CGNL1: variants seen among roughly 807,000 people sequenced by gnomAD.
The protein encoded by CGNL1 is cingulin-like protein 1.
In CGNL1, 132 loss-of-function variants were observed where a neutral mutation model predicts 141.2. That is an observed-to-expected ratio of 0.93 (90% confidence interval 0.81 to 1.08). The LOEUF is 1.08. Among genes scored for constraint, CGNL1 ranks in the 50% least tolerant of loss-of-function variants. The pLI is 0.00. For missense variants in CGNL1, 1,870 were observed against 1,588.6 expected, an observed-to-expected ratio of 1.18 and a Z score of -3.01; for synonymous variants, 690 against 622.1, an observed-to-expected ratio of 1.11 and a Z score of -1.63.
intron 3 of CGNL1, among the ~76,000 whole-genome samples, chr15:57,441,978 T>C (rs1269631685): frequency 6.6e-6 from 1 of 152,002 alleles, no homozygotes; most frequent in Non-Finnish European, 1.5e-5. Context: ...CATGTTTGTG[T>C]GTGTGAGAGA....
Position 57,442,188 on chromosome 15 carries a change from A to AAAAAAAAAAAAAAAC in CGNL1, c.1698-171_1698-170insCAAAAAAAAAAAAAA, listed in dbSNP as rs2063197433. Among the ~76,000 whole-genome samples, 2 of 147,340 alleles carry AAAAAAAAAAAAAAAC rather than the reference A, an allele frequency of 1.4e-5. 1 individual carries two copies. The highest frequency in any genetic ancestry group is 3.0e-5 in the Non-Finnish European group (2 of 66,032). Reference sequence around the variant, plus strand: ...GGTAACACATCATTTATTTGAAAAAAAAAAAAAAAAAAAAAGACACCATCC... The same window carrying AAAAAAAAAAAAAAAC: ...GGTAACACATCATTTATTTGAAAAAAAAAAAAAAAAAAAACAAAAAAAAAAAAAAAGACACCATCC... On this transcript the variant is annotated intron_variant, in intron 3 of 18. Coordinates refer to ENST00000281282, the MANE Select transcript of CGNL1 (RefSeq NM_032866.5).
At chr15:57,395,551 T>A (rs532063121) in intron 1 of CGNL1, among the ~76,000 whole-genome samples, 123 of 152,350 alleles carry the variant, frequency 8.1e-4, no homozygotes, top group African/African-American at 2.9e-3. Flanking sequence ...GAACAGGAAC[T>A]GGGCATGGTG....
intron 1 of CGNL1, chr15:57,377,256 C>G (rs2062374204): frequency 6.6e-6 from 1 of 152,228 alleles, no homozygotes; most frequent in Non-Finnish European, 1.5e-5. Flanking sequence ...GGCCGCTGCC[C>G]TCCCGACTCT....
intron 1 of CGNL1, among the ~76,000 whole-genome samples, chr15:57,420,228 G>A (rs11857181): frequency 0.28 from 43,251 of 152,014 alleles, 6,617 homozygotes; most frequent in Non-Finnish European, 0.34. Context: ...GAACTTGTTG[G>A]TATTAGAGAC....
chr15:57,463,016 G>A (rs1445400695), intron 8 of CGNL1, among the ~76,000 whole-genome samples: 1 of 152,072 alleles, frequency 6.6e-6, no homozygotes, highest in Non-Finnish European at 1.5e-5. Flanking sequence ...ATCTTTATGT[G>A]CTATTGCTTC....
intron 3 of CGNL1, among the ~76,000 whole-genome samples, chr15:57,441,084 A>T (rs907481221): frequency 7.6e-4 from 115 of 152,294 alleles, no homozygotes; most frequent in African/African-American, 2.7e-3. Context: ...AAAAAAAAAA[A>T]AAAAAGCTTT....
rs142121170 is a variant in CGNL1, at chr15:57,474,573, A to G, written c.2403+12681A>G. 2.7e-3 allele frequency among the ~76,000 whole-genome samples: 407 copies of G among 152,342 alleles called. 1 individual carries two copies. Among genetic ancestry groups the G allele is most frequent in the African/African-American group, 9.4e-3 (391 of 41,588 alleles). On this transcript the variant is annotated intron_variant, in intron 8 of 18. Transcript: ENST00000281282. The stretch of plus-strand genomic sequence containing the variant: ...GTAGAGGTAAATAAAGGACACCCGC[A>G]TAGTTTAAGGACAGGTCAGGGTTTT...
chr15:57,425,767 T>C (rs1351172576), intron 1 of CGNL1, among the ~76,000 whole-genome samples: 2 of 150,852 alleles, frequency 1.3e-5, no homozygotes, highest in African/African-American at 4.9e-5. Context: ...AAATCCGCAT[T>C]CATATGAATA....
chr15:57,546,058 C>T lies in CGNL1; in HGVS notation c.3610-18C>T. The T allele has an allele frequency of 1.2e-6, 2 of 1,606,452 alleles. No individual in the cohort carries two copies. The highest frequency in any genetic ancestry group is 1.7e-6 in the Non-Finnish European group (2 of 1,176,130). ...GGGCCATCAGCCGGCACTCAGCCCA[C>T]ATTCTCTCCCGGTGCAGCTGAGCTT... On this transcript the variant is annotated intron_variant, in intron 17 of 18. Transcript: ENST00000281282.
intron 8 of CGNL1, among the ~76,000 whole-genome samples, chr15:57,494,186 T>G (rs1490880546): frequency 6.6e-6 from 1 of 152,232 alleles, no homozygotes; most frequent in African/African-American, 2.4e-5. Flanking sequence ...AAGTTTTACA[T>G]TTATAGGTTC....
At chr15:57,383,298 T>TTTTTTTTTTTTTTTTTTTG (rs1555428834) in intron 1 of CGNL1, among the ~76,000 whole-genome samples, 31 of 141,646 alleles carry the variant, frequency 2.2e-4, no homozygotes, top group South Asian at 6.9e-4. Context: ...CTTCCTTTTT[T>TTTTTTTTTTTTTTTTTTTG]TTTTTTTGTT....
intron 1 of CGNL1, among the ~76,000 whole-genome samples, chr15:57,382,516 A>T (rs1373723642): frequency 6.6e-6 from 1 of 152,142 alleles, no homozygotes; most frequent in African/African-American, 2.4e-5. Flanking sequence ...CGTTCAGGTG[A>T]TTGCTTTGTA....
At chr15:57,385,753 G>T (rs933972345) in intron 1 of CGNL1, among the ~76,000 whole-genome samples, 7 of 152,228 alleles carry the variant, frequency 4.6e-5, no homozygotes, top group Non-Finnish European at 8.8e-5. Context: ...CCACCCGGGG[G>T]TACATTTGAC....
intron 8 of CGNL1, 41 bp downstream of exon 8, chr15:57,461,933 A>G (rs2063452905): frequency 6.7e-7 from 1 of 1,485,438 alleles, no homozygotes; most frequent in East Asian, 2.3e-5. Flanking sequence ...TGAACAGATG[A>G]AAGGGTAAGA....
chr15:57,458,218 T>G (rs534339648), intron 7 of CGNL1, among the ~76,000 whole-genome samples: 7 of 152,206 alleles, frequency 4.6e-5, no homozygotes, highest in Non-Finnish European at 1.0e-4. Context: ...TTTCTTTAAC[T>G]GGATTCCATA....
At chr15:57,444,458 C>T (rs1248367288) in intron 4 of CGNL1, among the ~76,000 whole-genome samples, 1 of 152,082 alleles carries the variant, frequency 6.6e-6, no homozygotes, top group African/African-American at 2.4e-5. Context: ...AGTAAAATTG[C>T]TGAGTTGTGA....
intron 1 of CGNL1, among the ~76,000 whole-genome samples, chr15:57,434,543 G>T (rs1264183121): frequency 6.6e-6 from 1 of 152,086 alleles, no homozygotes; most frequent in Non-Finnish European, 1.5e-5. Flanking sequence ...TTATAAAAGA[G>T]TCCACTTTCC....
intron 7 of CGNL1, among the ~76,000 whole-genome samples, chr15:57,458,120 G>C (rs2063401680): frequency 2.0e-5 from 3 of 152,154 alleles, no homozygotes; most frequent in Admixed American, 2.0e-4. Context: ...TGTTAGAAAT[G>C]CTCAGCACAG....
intron 1 of CGNL1, among the ~76,000 whole-genome samples, chr15:57,385,716 T>C (rs753557044): frequency 5.3e-5 from 8 of 152,170 alleles, no homozygotes; most frequent in Non-Finnish European, 1.0e-4. Flanking sequence ...AGTACAGTGG[T>C]TCTCAAACAG....
Sources: gnomAD v4.1 joint callset for allele counts (sites outside exome capture counted in the v4.1 genomes callset) on GRCh38, gnomAD v4.1.1 for gene constraint, MANE v1.5 for transcripts, NCBI Gene and HGNC (gene_info 2026-07-23, HGNC 2026-07-21) for gene names.